The following CCDC170 variants were observed in gnomAD, a reference collection of about 807,000 sequenced individuals.
The protein encoded by CCDC170 is coiled-coil domain-containing protein 170.
A neutral mutation model predicts 72.6 loss-of-function variants in CCDC170; 69 were observed. The ratio of observed to expected loss-of-function variants is 0.95; its 90% CI spans 0.78 to 1.16. The LOEUF is 1.16. Ranked by LOEUF, CCDC170 falls within the 50% of genes most tolerant of loss-of-function variation. CCDC170 has a pLI of 0.00. For missense variants in CCDC170, 852 were observed against 832.5 expected (o/e 1.02, Z -0.29); for synonymous variants, 300 against 303.9 (o/e 0.99, Z 0.13).
chr6:151,557,874 G>A (rs1333364678), intron 5 of CCDC170, among the ~76,000 whole-genome samples: 1 of 152,150 alleles, frequency 6.6e-6, no homozygotes, highest in Non-Finnish European at 1.5e-5. Context: ...CAAGGTGAGT[G>A]GATCACCTGA....
chr6:151,562,074 AT>A (rs1731975630), intron 5 of CCDC170, among the ~76,000 whole-genome samples: 1 of 151,654 alleles, frequency 6.6e-6, no homozygotes, highest in African/African-American at 2.4e-5. Context: ...GAGCAATTCT[AT>A]TTGTCTTTTT....
chr6:151,521,476 C>A (rs1462046184), intron 1 of CCDC170, among the ~76,000 whole-genome samples: 1 of 152,122 alleles, frequency 6.6e-6, no homozygotes, highest in Non-Finnish European at 1.5e-5. Context: ...CAGAGTAACT[C>A]CATCTTGGAT....
chr6:151,608,644 G>A (rs1006350522), intron 9 of CCDC170, among the ~76,000 whole-genome samples: 1 of 152,142 alleles, frequency 6.6e-6, no homozygotes, highest in African/African-American at 2.4e-5. Context: ...CTGTGGTGTG[G>A]CTTTGCTGGG....
Position 151,548,495 on chromosome 6 carries a change from A to G in CCDC170, c.774+6A>G, listed in dbSNP as rs778929533. The G allele has an allele frequency of 1.3e-6, 2 of 1,566,710 alleles. No homozygotes were observed. Among genetic ancestry groups the G allele is most frequent in the Non-Finnish European group, 1.7e-6 (2 of 1,158,500 alleles). On this transcript the variant is annotated splice_donor_region_variant and intron_variant, in intron 5 of 10. Coordinates refer to ENST00000239374, the MANE Select transcript of CCDC170 (RefSeq NM_025059.4). ...AGAAAGAGAAGCTGAACCAGGTATG[A>G]TATGTGAAGTATACGTGTGCATCTG...
intron 1 of CCDC170, among the ~76,000 whole-genome samples, chr6:151,506,403 T>TAG (rs1377985965): frequency 2.6e-5 from 4 of 152,180 alleles, no homozygotes; most frequent in African/African-American, 7.2e-5. Flanking sequence ...GCCATTTGAG[T>TAG]AGAGATCAAT....
At chr6:151,540,373 C>CTTTTTTT (rs779650559) in intron 3 of CCDC170, among the ~76,000 whole-genome samples, 9,057 of 37,940 alleles carry the variant, frequency 0.24, 3,359 homozygotes, top group Non-Finnish European at 0.35. Flanking sequence ...TCTGCTGCTG[C>CTTTTTTT]TTTTTTTTTT....
intron 1 of CCDC170, among the ~76,000 whole-genome samples, chr6:151,500,807 A>T (rs1381264877): frequency 6.6e-6 from 1 of 152,172 alleles, no homozygotes; most frequent in African/African-American, 2.4e-5. Context: ...GCAAAAATCT[A>T]TAAGGACAAA....
chr6:151,496,457 G>A (rs2115013988), intron 1 of CCDC170, among the ~76,000 whole-genome samples: 1 of 152,216 alleles, frequency 6.6e-6, no homozygotes, highest in Middle Eastern at 3.4e-3. Context: ...CTGCAGAAAA[G>A]GCAGCATTTA....
At chr6:151,506,986 C>T (rs1050550037) in intron 1 of CCDC170, among the ~76,000 whole-genome samples, 1 of 152,202 alleles carries the variant, frequency 6.6e-6, no homozygotes, top group African/African-American at 2.4e-5. Context: ...TAAACCAGTT[C>T]CTTAAAATGA....
intron 5 of CCDC170, among the ~76,000 whole-genome samples, chr6:151,549,201 G>C (rs147993837): frequency 1.3e-5 from 2 of 151,942 alleles, no homozygotes; most frequent in African/African-American, 4.8e-5. Context: ...CACCACGGCC[G>C]GTCTAATTTT....
At chr6:151,587,350 G>A (rs1293860347) in intron 7 of CCDC170, among the ~76,000 whole-genome samples, 1 of 152,122 alleles carries the variant, frequency 6.6e-6, no homozygotes, top group Non-Finnish European at 1.5e-5. Context: ...TAGTAGACCA[G>A]TGTGAAGTCT....
At chr6:151,548,578 C>G in intron 5 of CCDC170, 89 bp downstream of exon 5, 1 of 1,160,320 alleles carries the variant, frequency 8.6e-7, no homozygotes, top group South Asian at 2.6e-5. Flanking sequence ...TGCCCTAGAA[C>G]TACTGATTAC....
intron 5 of CCDC170, among the ~76,000 whole-genome samples, chr6:151,559,906 G>A (rs1014141391): frequency 1.4e-4 from 20 of 140,520 alleles, no homozygotes; most frequent in African/African-American, 4.8e-4. Flanking sequence ...AACTTTTTAT[G>A]TTGCTCATCC....
At position 151,494,030 on chromosome 6, in the gene CCDC170, G is replaced by A; in HGVS notation, c.-99G>A. 8.3e-7 allele frequency: 1 copy of A among 1,209,426 alleles called. No individual in the cohort carries two copies. The highest frequency in any genetic ancestry group is 1.1e-6 in the Non-Finnish European group (1 of 926,464). The allele number at this position is 1,209,426 out of a possible 1,614,324, so 74.9% of individuals were successfully genotyped here. The stretch of plus-strand genomic sequence containing the variant: ...CGCCGCGTCCCCGCGGTGTTTACCC[G>A]TTGCCCGAGGAGACACCCGCGCCAC... On this transcript the variant is annotated 5_prime_UTR_variant, in exon 1 of 11. Transcript: ENST00000239374.
chr6:151,576,410 T>G (rs1776305059), intron 6 of CCDC170, among the ~76,000 whole-genome samples: 1 of 152,176 alleles, frequency 6.6e-6, no homozygotes. Context: ...AGCTAATTTT[T>G]TTTTTTTTTG....
rs940638777 is a variant in CCDC170, at chr6:151,620,928, A to C, written c.*2781A>C. ...TATTACATGAAATTACATTCCATTT[A>C]TCCAAATATATGTTTATATAATATT... is the stretch of plus-strand genomic sequence containing the variant. On this transcript the variant is annotated 3_prime_UTR_variant, in exon 11 of 11. Coordinates refer to ENST00000239374, the MANE Select transcript of CCDC170 (RefSeq NM_025059.4). 1 of 152,158 alleles carries C rather than the reference A, an allele frequency of 6.6e-6. No individual in the cohort carries two copies. Among genetic ancestry groups the C allele is most frequent in the African/African-American group, 2.4e-5 (1 of 41,442 alleles). The allele number at this position is 152,158 out of a possible 1,614,324, so 9.4% of individuals were successfully genotyped here. A position where few individuals can be genotyped will look rare whatever the true frequency, so the allele number is the denominator to read the frequency against.
At chr6:151,586,130 T>C (rs745733872) in intron 7 of CCDC170, 41 bp downstream of exon 7, 1 of 1,586,526 alleles carries the variant, frequency 6.3e-7, no homozygotes, top group Non-Finnish European at 8.6e-7. Context: ...AAGCATCTGT[T>C]GTAGTATAAA....
chr6:151,590,709 C>CA (rs1776521955), intron 7 of CCDC170, among the ~76,000 whole-genome samples: 1 of 152,156 alleles, frequency 6.6e-6, no homozygotes, highest in Non-Finnish European at 1.5e-5. Flanking sequence ...GAAATAGAGA[C>CA]AAAATCCTTG....
intron 5 of CCDC170, among the ~76,000 whole-genome samples, chr6:151,555,894 T>C (rs1034574323): frequency 1.2e-4 from 18 of 152,338 alleles, no homozygotes; most frequent in Non-Finnish European, 2.5e-4. Context: ...AGTTCTAGTC[T>C]GTGGGTGAGG....
Sources: gnomAD v4.1 joint callset for allele counts (sites outside exome capture counted in the v4.1 genomes callset) on GRCh38, gnomAD v4.1.1 for gene constraint, MANE v1.5 for transcripts, NCBI Gene and HGNC (gene_info 2026-07-23, HGNC 2026-07-21) for gene names.